The following FGFBP1 variants were observed in gnomAD, a reference collection of about 807,000 sequenced individuals.
FGFBP1 encodes fibroblast growth factor binding protein 1, also known as fibroblast growth factor-binding protein 1.
FGFBP1 carries 12 observed loss-of-function variants against 14.6 expected under a neutral mutation model. The ratio of observed to expected loss-of-function variants is 0.82; its 90% CI spans 0.53 to 1.33. FGFBP1 has a LOEUF of 1.33. Ranked by LOEUF, FGFBP1 falls within the 40% of genes most tolerant of loss-of-function variation. The pLI is 0.00. For missense variants in FGFBP1, 317 were observed against 271.8 expected, an observed-to-expected ratio of 1.17 and a Z score of -1.17; for synonymous variants, 117 against 105.0, an observed-to-expected ratio of 1.11 and a Z score of -0.70.
Position 15,935,722 on chromosome 4 carries a change from G to C in FGFBP1, c.*206C>G. 1 of 457,970 alleles carries C rather than the reference G, an allele frequency of 2.2e-6. No individual in the cohort carries two copies. Among genetic ancestry groups the C allele is most frequent in the Non-Finnish European group, 3.8e-6 (1 of 261,078 alleles). 28.4% of individuals were successfully genotyped at this position (457,970 alleles called of 1,614,324 possible). ...GTGGGCCATGGAAATACATGCTGCA[G>C]GAAACAGCCTCTGAACATCGCATCC... On this transcript the variant is annotated 3_prime_UTR_variant, in exon 3 of 3. Coordinates refer to ENST00000382333, the MANE Select transcript of FGFBP1 (RefSeq NM_005130.5).
In FGFBP1 at chr4:15,936,567, C is replaced by G; in HGVS notation, c.66G>C (p.Glu22Asp). The G allele has an allele frequency of 6.2e-7, 1 of 1,613,354 alleles. No individual in the cohort carries two copies. The highest frequency in any genetic ancestry group is 8.5e-7 in the Non-Finnish European group (1 of 1,179,970). Residue 22 changes from glutamate (E) to aspartate (D), a missense_variant, in exon 3 of 3, where the codon GAG becomes GAC. Glu to Asp is a conservative substitution (Grantham distance 45). Coordinates refer to ENST00000382333, the MANE Select transcript of FGFBP1 (RefSeq NM_005130.5). The stretch of plus-strand genomic sequence containing the variant: ...GTCCATTCTTCACTTTTTTTTTCCC[C>G]TCCACCAGGAGCACCTGAGCAGCCA... ...LLLAAQVLLV[E>D]GKKKVKNGLH...
chr4:15,936,146 T>C lies in FGFBP1; in HGVS notation c.487A>G (p.Lys163Glu), dbSNP rs561029915. ...STLFGNTKPRKEKTEMSPREH... is the reference protein window; with the variant it reads ...STLFGNTKPREEKTEMSPREH... ...CTGGGGGACATCTCTGTTTTCTCCTTCCTGGGCTTTGTGTTCCCAAATAGA... is the reference window on the plus strand; with the variant it reads ...CTGGGGGACATCTCTGTTTTCTCCTCCCTGGGCTTTGTGTTCCCAAATAGA... The change falls in exon 3 of 3, where the codon AAG (lysine) becomes GAG (glutamate). Residue 163 changes from lysine to glutamate, a missense_variant. Transcript: ENST00000382333. The C allele has an allele frequency of 6.2e-7, 1 of 1,614,108 alleles. No individual in the cohort carries two copies. Among genetic ancestry groups the C allele is most frequent in the Admixed American group, 1.7e-5 (1 of 60,014 alleles).
chr4:15,937,758 T>C (rs1712531992), intron 2 of FGFBP1, among the ~76,000 whole-genome samples: 1 of 152,212 alleles, frequency 6.6e-6, no homozygotes, highest in African/African-American at 2.4e-5. Flanking sequence ...AAAGCTGGTA[T>C]GGGTAGCCAG....
intron 2 of FGFBP1, among the ~76,000 whole-genome samples, chr4:15,937,071 G>A (rs1374983293): frequency 6.6e-6 from 1 of 152,170 alleles, no homozygotes; most frequent in Non-Finnish European, 1.5e-5. Context: ...AATTTAAATA[G>A]CATTGATCAG....
chr4:15,936,964 ACCTACTATATGCCC>A (rs1020423782), intron 2 of FGFBP1, among the ~76,000 whole-genome samples: 1 of 152,184 alleles, frequency 6.6e-6, no homozygotes, highest in African/African-American at 2.4e-5. Context: ...TTTACTGAGC[ACCTACTATATGCCC>A]CCCACCAGAC....
In FGFBP1 at chr4:15,935,927, AT is replaced by A; in HGVS notation, c.705del (p.Ter235TyrfsTer16). 16 of 1,580,004 alleles carry A rather than the reference AT, an allele frequency of 1.0e-5. No homozygotes were observed. The highest frequency in any genetic ancestry group is 1.4e-5 in the African/African-American group (1 of 73,948). ...AGGGAACCCGTTCTCTTTTGACCTC[AT>A]TAGCATGACGTGTCCTGCACTATGC... ...FLSIVQDTSC[*>X] On this transcript the variant is annotated frameshift_variant and stop_lost, in exon 3 of 3. Coordinates refer to ENST00000382333, the MANE Select transcript of FGFBP1 (RefSeq NM_005130.5). LOFTEE classifies it high-confidence loss of function.
Position 15,937,235 on chromosome 4 carries a change from T to A in FGFBP1, c.-20-583A>T, listed in dbSNP as rs79042097. 1.5e-4 allele frequency among the ~76,000 whole-genome samples: 21 copies of A among 135,874 alleles called. No individual in the cohort carries two copies. In the East Asian group the frequency reaches 4.5e-3, roughly 29 times the overall value. 89.1% of individuals were successfully genotyped at this position (135,874 alleles called of 152,430 possible). On this transcript the variant is annotated intron_variant, in intron 2 of 2. Coordinates refer to ENST00000382333, the MANE Select transcript of FGFBP1 (RefSeq NM_005130.5). ...GACAGATGCCCAAAATGAGAAAGGA[T>A]GTGGTAAGCATCATGAAAGGTGATG...
Position 15,936,012 on chromosome 4 carries a change from C to G in FGFBP1, c.621G>C (p.Arg207Ser). 2 of 1,614,130 alleles carry G rather than the reference C, an allele frequency of 1.2e-6. No homozygotes were observed. Among genetic ancestry groups the G allele is most frequent in the Non-Finnish European group, 1.7e-6 (2 of 1,180,002 alleles). Residue 207 changes from arginine to serine, a missense_variant, in exon 3 of 3, where the codon AGG becomes AGC. Arg to Ser is a moderately radical substitution (Grantham distance 110). Transcript: ENST00000382333. ...CTCCACAGAACTCCAGGGCAGTCTT[C>G]CTCTGGTTTGCCATATCTGGGTCCT... ...CVEDPDMANQ[R>S]KTALEFCGET...
Position 15,936,507 on chromosome 4 carries a change from A to G in FGFBP1, c.126T>C (p.Thr42=), listed in dbSNP as rs755876641. The G allele has an allele frequency of 5.9e-5, 95 of 1,613,986 alleles. No homozygotes were observed. Among genetic ancestry groups the G allele is most frequent in the Non-Finnish European group, 7.9e-5 (93 of 1,180,016 alleles). ...TCTGCTTAATCTGGGTGTTGCCCAG[A>G]GTGTCCTTTTGTTCTGAGACCACTT... ...HSKVVSEQKD[T]LGNTQIKQKS... The change falls in exon 3 of 3, where the codon ACT becomes ACC. Residue 42 remains threonine, a synonymous_variant. Coordinates refer to ENST00000382333, the MANE Select transcript of FGFBP1 (RefSeq NM_005130.5).
chr4:15,936,725 C>CGAGAT, intron 2 of FGFBP1, 73 bp from the exon 3 acceptor site: 2 of 869,026 alleles, frequency 2.3e-6, no homozygotes, highest in East Asian at 5.0e-5. Context: ...CTGGCCTCCC[C>CGAGAT]CTACCCTGAC....
intron 2 of FGFBP1, among the ~76,000 whole-genome samples, chr4:15,937,648 C>T (rs1347446419): frequency 2.0e-5 from 3 of 152,168 alleles, no homozygotes; most frequent in Admixed American, 1.3e-4. Flanking sequence ...CACAAGAGCT[C>T]TTCCAGGTAG....
In FGFBP1 at chr4:15,936,522, T is replaced by C. The variant is rs1712498245; in HGVS notation, c.111A>G (p.Ser37=). 1.2e-6 allele frequency: 2 copies of C among 1,614,182 alleles called. No individual in the cohort carries two copies. The highest frequency in any genetic ancestry group is 1.7e-6 in the Non-Finnish European group (2 of 1,180,018). ...TGTTGCCCAGAGTGTCCTTTTGTTC[T>C]GAGACCACTTTGCTGTGAAGTCCAT... is the stretch of plus-strand genomic sequence containing the variant. ...VKNGLHSKVV[S]EQKDTLGNTQ... Residue 37 remains serine (S), a synonymous_variant, in exon 3 of 3, where the codon TCA becomes TCG. Transcript: ENST00000382333.
At position 15,936,541 on chromosome 4, in the gene FGFBP1, A is replaced by G; in HGVS notation, c.92T>C (p.Leu31Pro). 6.2e-7 allele frequency: 1 copy of G among 1,613,954 alleles called. No homozygotes were observed. The highest frequency in any genetic ancestry group is 1.1e-5 in the South Asian group (1 of 91,074). The part of the protein sequence containing the change: ...VEGKKKVKNG[L>P]HSKVVSEQKD... ...TTGTTCTGAGACCACTTTGCTGTGA[A>G]GTCCATTCTTCACTTTTTTTTTCCC... The change falls in exon 3 of 3, where the codon CTT becomes CCT. Residue 31 changes from leucine (L) to proline (P), a missense_variant. Coordinates refer to ENST00000382333, the MANE Select transcript of FGFBP1 (RefSeq NM_005130.5).
rs751604710 is a variant in FGFBP1 at position 15,936,397 on chromosome 4, A to T, written c.236T>A (p.Ile79Asn). 27 of 1,614,030 alleles carry T rather than the reference A, an allele frequency of 1.7e-5. No individual in the cohort carries two copies. The highest frequency in any genetic ancestry group is 5.5e-5 in the South Asian group (5 of 91,082). The change falls in exon 3 of 3, where the codon ATC becomes AAC. Residue 79 changes from isoleucine (I) to asparagine (N), a missense_variant. By Grantham distance (149) the Ile-to-Asn change is moderately radical. Coordinates refer to ENST00000382333, the MANE Select transcript of FGFBP1 (RefSeq NM_005130.5). ...TTGAGTGCACTCAACCTTGAGAGAG[A>T]TGCCCTCCTCCTGCTCAGTAGCAGC... The part of the protein sequence containing the change: ...RWAATEQEEG[I>N]SLKVECTQLD...
chr4:15,936,590 C>T lies in FGFBP1; in HGVS notation c.43G>A (p.Ala15Thr). The part of the protein sequence containing the change: ...SLTLLSFLLL[A>T]AQVLLVEGKK... ...CCCTCCACCAGGAGCACCTGAGCAGCCAGTAGGAGGAAGGAGAGCAGGGTG... is the reference window on the plus strand; with the variant it reads ...CCCTCCACCAGGAGCACCTGAGCAGTCAGTAGGAGGAAGGAGAGCAGGGTG... The change falls in exon 3 of 3, where the codon GCT (alanine) becomes ACT (threonine). Residue 15 changes from alanine to threonine, a missense_variant. Physicochemically the swap from Ala to Thr is moderately conservative, Grantham distance 58. Transcript: ENST00000382333. The T allele has an allele frequency of 6.2e-7, 1 of 1,612,916 alleles. No homozygotes were observed.
rs1429678882 is a variant in FGFBP1, at chr4:15,936,621, A to G, written c.12T>C (p.Cys4=). 2.5e-6 allele frequency: 4 copies of G among 1,606,152 alleles called. No individual in the cohort carries two copies. The Admixed American group carries it at 6.7e-5, about 27-fold the overall frequency. MKI[C]SLTLLSFLLL... ...GGAGGAAGGAGAGCAGGGTGAGGCTACAGATCTTCATGGCTGCAGCTGGGC... is the reference window on the plus strand; with the variant it reads ...GGAGGAAGGAGAGCAGGGTGAGGCTGCAGATCTTCATGGCTGCAGCTGGGC... The change falls in exon 3 of 3, where the codon TGT becomes TGC. Residue 4 remains cysteine (C), a synonymous_variant. Transcript: ENST00000382333.
chr4:15,938,082 G>T (rs1712538162), intron 2 of FGFBP1, among the ~76,000 whole-genome samples, 169 bp downstream of exon 2: 1 of 152,222 alleles, frequency 6.6e-6, no homozygotes, highest in Admixed American at 6.5e-5. Context: ...AGCAATAAAT[G>T]GTGAAGAGGA....
At position 15,936,646 on chromosome 4, in the gene FGFBP1, C is replaced by G. The variant is rs574131145; in HGVS notation, c.-14G>C. ...ACAGATCTTCATGGCTGCAGCTGGG[C>G]GTTCACCTGTTTGACAAAAGGCAAG... On this transcript the variant is annotated 5_prime_UTR_variant, in exon 3 of 3. Coordinates refer to ENST00000382333, the MANE Select transcript of FGFBP1 (RefSeq NM_005130.5). 1.9e-6 allele frequency: 3 copies of G among 1,582,280 alleles called. No homozygotes were observed. The highest frequency in any genetic ancestry group is 2.6e-6 in the Non-Finnish European group (3 of 1,165,142).
chr4:15,935,817 C>T lies in FGFBP1; in HGVS notation c.*111G>A. The T allele has an allele frequency of 1.5e-6, 1 of 651,976 alleles. No homozygotes were observed. 40.4% of individuals were successfully genotyped at this position (651,976 alleles called of 1,614,324 possible). A position where few individuals can be genotyped will look rare whatever the true frequency, so the allele number is the denominator to read the frequency against. On this transcript the variant is annotated 3_prime_UTR_variant, in exon 3 of 3. Coordinates refer to ENST00000382333, the MANE Select transcript of FGFBP1 (RefSeq NM_005130.5). ...AAACTTGTTTAAATATTTCGTTGCA[C>T]TCACTAAGCACAAAAGTTCATATTT...
Sources: gnomAD v4.1 joint callset for allele counts (sites outside exome capture counted in the v4.1 genomes callset) on GRCh38, gnomAD v4.1.1 for gene constraint, MANE v1.5 for transcripts, NCBI Gene and HGNC (gene_info 2026-07-23, HGNC 2026-07-21) for gene names.